The following RAB3GAP1 variants were observed in gnomAD, a reference collection of about 807,000 sequenced individuals.
RAB3GAP1 encodes the protein rab3 GTPase-activating protein catalytic subunit.
In RAB3GAP1, 86 loss-of-function variants were observed where a neutral mutation model predicts 130.7. The observed-to-expected ratio is 0.66, with a 90% CI of 0.55 to 0.79. RAB3GAP1 has a LOEUF of 0.79. Among genes scored for constraint, RAB3GAP1 ranks in the 30% least tolerant of loss-of-function variants. The pLI is 0.00. For missense variants in RAB3GAP1, 1,029 were observed against 1,169.4 expected, an observed-to-expected ratio of 0.88 and a Z score of 1.75; for synonymous variants, 367 against 401.7, an observed-to-expected ratio of 0.91 and a Z score of 1.03.
chr2:135,113,662 C>T (rs1469665274), intron 6 of RAB3GAP1, among the ~76,000 whole-genome samples: 2 of 152,168 alleles, frequency 1.3e-5, no homozygotes, highest in African/African-American at 4.8e-5. Flanking sequence ...GCTGCCTGCC[C>T]ACCTTACAGA....
intron 5 of RAB3GAP1, among the ~76,000 whole-genome samples, chr2:135,112,390 GT>G (rs1690829621): frequency 6.6e-6 from 1 of 152,216 alleles, no homozygotes; most frequent in Non-Finnish European, 1.5e-5. Context: ...AACCTGCCTG[GT>G]TTTCAAGCTG....
rs1692768887 is a variant in RAB3GAP1, at chr2:135,169,189, A to T, written c.*408A>T. The T allele has an allele frequency of 7.4e-6, 2 of 268,858 alleles. 1 individual carries two copies. The highest frequency in any genetic ancestry group is 8.9e-5 in the South Asian group (2 of 22,504). 16.7% of individuals were successfully genotyped at this position (268,858 alleles called of 1,614,324 possible). On this transcript the variant is annotated 3_prime_UTR_variant, in exon 24 of 24. Transcript: ENST00000264158. Reference sequence around the variant, plus strand: ...TATATATCAGCAGCAAGTGTGCAAAATAAAGGACCTGTTAACTCAGATTTC... The same window carrying T: ...TATATATCAGCAGCAAGTGTGCAAATTAAAGGACCTGTTAACTCAGATTTC...
At chr2:135,106,244 C>A (rs993671785) in intron 5 of RAB3GAP1, among the ~76,000 whole-genome samples, 2 of 152,210 alleles carry the variant, frequency 1.3e-5, no homozygotes, top group Admixed American at 1.3e-4. Context: ...GCCGCCACCC[C>A]GTCTGGGAGG....
intron 5 of RAB3GAP1, among the ~76,000 whole-genome samples, chr2:135,112,832 TCTCA>T (rs1439194842): frequency 8.6e-5 from 10 of 115,840 alleles, no homozygotes; most frequent in African/African-American, 3.5e-4. Flanking sequence ...TCTCTCTCTC[TCTCA>T]CACACACACA....
intron 19 of RAB3GAP1, 44 bp from the exon 20 acceptor site, chr2:135,162,511 T>C (rs1692492500): frequency 6.7e-7 from 1 of 1,490,242 alleles, no homozygotes; most frequent in Non-Finnish European, 9.3e-7. Flanking sequence ...GCTTCATCCT[T>C]TGACACCTGC....
chr2:135,154,257 A>G (rs931828993), intron 19 of RAB3GAP1, among the ~76,000 whole-genome samples: 1 of 152,238 alleles, frequency 6.6e-6, no homozygotes, highest in African/African-American at 2.4e-5. Flanking sequence ...AAAAGTAGAA[A>G]CAACCAAAGT....
chr2:135,164,643 G>A lies in RAB3GAP1; in HGVS notation c.2656G>A (p.Gly886Arg). Residue 886 changes from glycine to arginine, a missense_variant, in exon 23 of 24, where the codon GGA becomes AGA. Physicochemically the swap from Gly to Arg is moderately radical, Grantham distance 125 (BLOSUM62 -2). Transcript: ENST00000264158. ...GCCTGAAGTGTTAGTCACCGGTGCAGGAAGAGGACATGCTGGCAGGATCAT... is the reference window on the plus strand; with the variant it reads ...GCCTGAAGTGTTAGTCACCGGTGCAAGAAGAGGACATGCTGGCAGGATCAT... The part of the protein sequence containing the change: ...EQPEVLVTGA[G>R]RGHAGRIIHK... The A allele has an allele frequency of 6.2e-7, 1 of 1,613,556 alleles. No homozygotes were observed. The highest frequency in any genetic ancestry group is 8.5e-7 in the Non-Finnish European group (1 of 1,179,694).
Position 135,169,816 on chromosome 2 carries a change from CT to C in RAB3GAP1, c.*1037del. 1 of 453,640 alleles carries C rather than the reference CT, an allele frequency of 2.2e-6. No individual in the cohort carries two copies. The highest frequency in any genetic ancestry group is 1.6e-5 in the South Asian group (1 of 64,116). 28.1% of individuals were successfully genotyped at this position (453,640 alleles called of 1,614,324 possible). ...TCTAGTTTCATGGAGCTCAAGATGT[CT>C]TGTGTCTGTGTGGCTAGATGGCCTC... On this transcript the variant is annotated 3_prime_UTR_variant, in exon 24 of 24. Coordinates refer to ENST00000264158, the MANE Select transcript of RAB3GAP1 (RefSeq NM_012233.3).
intron 5 of RAB3GAP1, among the ~76,000 whole-genome samples, chr2:135,102,406 A>G (rs1046978179): frequency 1.3e-5 from 2 of 152,244 alleles, no homozygotes; most frequent in African/African-American, 4.8e-5. Flanking sequence ...CTGCAGAACT[A>G]TAAGATGATC....
At chr2:135,155,878 G>T (rs1377792018) in intron 19 of RAB3GAP1, among the ~76,000 whole-genome samples, 1 of 151,924 alleles carries the variant, frequency 6.6e-6, no homozygotes, top group Non-Finnish European at 1.5e-5. Context: ...CAAAACAGAT[G>T]AAATTAATGA....
chr2:135,095,808 A>C (rs1312763065), intron 5 of RAB3GAP1, among the ~76,000 whole-genome samples: 4 of 152,234 alleles, frequency 2.6e-5, no homozygotes, highest in Non-Finnish European at 5.9e-5. Flanking sequence ...CAATGTATAC[A>C]CTACCTGCCC....
chr2:135,058,694 C>T (rs931451951), intron 3 of RAB3GAP1: 12 of 152,292 alleles, frequency 7.9e-5, no homozygotes, highest in African/African-American at 2.9e-4. Flanking sequence ...TAGTTTTATT[C>T]ATAAACCACA....
chr2:135,137,796 G>T (rs1691714910), intron 17 of RAB3GAP1, among the ~76,000 whole-genome samples: 1 of 151,530 alleles, frequency 6.6e-6, no homozygotes, highest in Admixed American at 6.6e-5. Flanking sequence ...AGCAGCAATA[G>T]TTGTTTTTAA....
intron 3 of RAB3GAP1, among the ~76,000 whole-genome samples, chr2:135,083,654 A>T (rs1356674622): frequency 6.8e-6 from 1 of 147,522 alleles, no homozygotes; most frequent in Non-Finnish European, 1.5e-5. Flanking sequence ...TCGGTTAGGG[A>T]TGGAGTGTCA....
intron 3 of RAB3GAP1, among the ~76,000 whole-genome samples, chr2:135,090,402 A>G (rs1169956466): frequency 6.6e-6 from 1 of 152,176 alleles, no homozygotes; most frequent in Non-Finnish European, 1.5e-5. Flanking sequence ...GCTATGCTGT[A>G]ATGACTGTTT....
chr2:135,071,404 A>G (rs1195357374), intron 3 of RAB3GAP1, among the ~76,000 whole-genome samples: 1 of 152,146 alleles, frequency 6.6e-6, no homozygotes. Flanking sequence ...GTTTGGTTTC[A>G]TATTTTACTA....
At chr2:135,064,820 T>C (rs1689272343) in intron 3 of RAB3GAP1, among the ~76,000 whole-genome samples, 1 of 151,308 alleles carries the variant, frequency 6.6e-6, no homozygotes, top group African/African-American at 2.4e-5. Context: ...TTATGAAATG[T>C]AGAGACGAAA....
intron 17 of RAB3GAP1, among the ~76,000 whole-genome samples, chr2:135,144,443 G>A (rs1204034309): frequency 6.6e-6 from 1 of 152,068 alleles, no homozygotes; most frequent in African/African-American, 2.4e-5. Context: ...CCACTCAAAG[G>A]GGGGCATGAC....
At chr2:135,155,123 G>A (rs1167547494) in intron 19 of RAB3GAP1, among the ~76,000 whole-genome samples, 2 of 151,946 alleles carry the variant, frequency 1.3e-5, no homozygotes, top group Non-Finnish European at 2.9e-5. Context: ...AGGAGGATAT[G>A]AAAAAACCAT....
Sources: allele counts gnomAD v4.1 joint callset (sites outside exome capture counted in the v4.1 genomes callset), GRCh38; gene constraint gnomAD v4.1.1; transcripts MANE v1.5; gene names NCBI Gene and HGNC (gene_info 2026-07-23, HGNC 2026-07-21).